Variants in NFATC1 observed in about 807,000 individuals in gnomAD.
NFATC1 encodes the protein nuclear factor of activated T cells 1, also known as nuclear factor of activated T-cells, cytoplasmic 1.
A neutral mutation model predicts 76.0 loss-of-function variants in NFATC1; 22 were observed. That is an observed-to-expected ratio of 0.29 (90% CI 0.21 to 0.41). NFATC1 has a LOEUF of 0.41. NFATC1 is among the 10% of genes least tolerant of loss of function. The pLI, the probability that NFATC1 is intolerant of heterozygous loss-of-function variation, is 1.00. For missense variants in NFATC1, 1,357 were observed against 1,337.7 expected (o/e 1.01, Z -0.23); for synonymous variants, 704 against 613.1 (o/e 1.15, Z -2.19).
At chr18:79,498,256 T>C (rs1052100188) in intron 9 of NFATC1, 2 of 151,738 alleles carry the variant, frequency 1.3e-5, no homozygotes, top group African/African-American at 2.4e-5. Flanking sequence ...GCAATAAATA[T>C]GCTCAAAGAA....
At chr18:79,433,171 C>CA (rs1180283506) in intron 2 of NFATC1, among the ~76,000 whole-genome samples, 1 of 152,210 alleles carries the variant, frequency 6.6e-6, no homozygotes, top group African/African-American at 2.4e-5. Flanking sequence ...CCCAGTCAGT[C>CA]ACCTGTCTCA....
chr18:79,481,925 T>C, intron 8 of NFATC1, among the ~76,000 whole-genome samples: 1 of 139,322 alleles, frequency 7.2e-6, no homozygotes, highest in Non-Finnish European at 1.5e-5. Flanking sequence ...CATTCCAGTG[T>C]GACGTGGTCC....
rs528841355 is a variant in NFATC1 at position 79,512,554 on chromosome 18, C to T, written c.2783-14974C>T. 7.9e-5 allele frequency among the ~76,000 whole-genome samples: 12 copies of T among 152,346 alleles called. No individual in the cohort carries two copies. In the South Asian group the frequency reaches 2.3e-3, roughly 29 times the overall value. On this transcript the variant is annotated intron_variant, in intron 9 of 9. Transcript: ENST00000427363. ...CTTGGCAGTTGTGCGGCTGTGGACTCACACATGTGGCAGGAGGAGATGCCT... is the reference window on the plus strand; with the variant it reads ...CTTGGCAGTTGTGCGGCTGTGGACTTACACATGTGGCAGGAGGAGATGCCT...
intron 8 of NFATC1, chr18:79,469,684 C>A: frequency 1.0e-6 from 1 of 985,942 alleles, no homozygotes; most frequent in Non-Finnish European, 1.2e-6. Context: ...AGGCCAGGTT[C>A]CCCAGGCTCA....
At chr18:79,493,665 T>G (rs2089768002) in intron 9 of NFATC1, 1 of 152,080 alleles carries the variant, frequency 6.6e-6, no homozygotes, top group East Asian at 1.9e-4. Context: ...GTGGAAAGTC[T>G]TACTAACCTG....
intron 1 of NFATC1, chr18:79,402,330 G>A (rs1456132555): frequency 1.0e-6 from 1 of 985,322 alleles, no homozygotes; most frequent in Non-Finnish European, 1.2e-6. Flanking sequence ...GGGGACCCTG[G>A]TGAACATGGG....
At chr18:79,444,426 A>G (rs73494234) in intron 3 of NFATC1, among the ~76,000 whole-genome samples, 4,044 of 142,636 alleles carry the variant, frequency 0.028, 174 homozygotes, top group African/African-American at 0.097. Context: ...TCCTTCCCCC[A>G]CCCACCCCGA....
At chr18:79,472,234 G>T (rs921882278) in intron 8 of NFATC1, among the ~76,000 whole-genome samples, 4 of 152,152 alleles carry the variant, frequency 2.6e-5, no homozygotes, top group Non-Finnish European at 5.9e-5. Context: ...GGCTTTCTCT[G>T]CTGGCACTTC....
intron 8 of NFATC1, among the ~76,000 whole-genome samples, chr18:79,482,728 C>T (rs1448845595): frequency 2.3e-5 from 3 of 129,996 alleles, no homozygotes; most frequent in African/African-American, 8.9e-5. Flanking sequence ...CCAGCGTGAC[C>T]TGCTCCTGAG....
At position 79,403,546 on chromosome 18, in the gene NFATC1, A is replaced by G. The variant is rs767463668; in HGVS notation, c.128-6857A>G. Among the ~76,000 whole-genome samples the G allele has an allele frequency of 7.7e-4, 117 of 152,126 alleles. 1 individual carries two copies. Among genetic ancestry groups the G allele is most frequent in the Non-Finnish European group, 1.4e-3 (95 of 67,998 alleles). ...TCCCGCCCCAGGGCTCCTGTTTTCTAAGTTATTTTGGCCAGCTTGGCTGCT... is the reference window on the plus strand; with the variant it reads ...TCCCGCCCCAGGGCTCCTGTTTTCTGAGTTATTTTGGCCAGCTTGGCTGCT... On this transcript the variant is annotated intron_variant, in intron 1 of 9. Transcript: ENST00000427363.
At position 79,427,920 on chromosome 18, in the gene NFATC1, C is replaced by G. The variant is rs1467512997; in HGVS notation, c.1227-5659C>G. On this transcript the variant is annotated intron_variant, in intron 2 of 9. Transcript: ENST00000427363. ...GGAGGGGGGTGGCTAGACAGCTGGC[C>G]TCTGTGTGGTGGCAGGGCTGGACAG... is the stretch of plus-strand genomic sequence containing the variant. Among the ~76,000 whole-genome samples, 5 of 28,398 alleles carry G rather than the reference C, an allele frequency of 1.8e-4. No individual in the cohort carries two copies. In the Admixed American group the frequency reaches 2.8e-3, roughly 16 times the overall value. The allele number at this position is 28,398 out of a possible 152,430, so 18.6% of individuals were successfully genotyped here. A position where few individuals can be genotyped will look rare whatever the true frequency, so the allele number is the denominator to read the frequency against.
intron 3 of NFATC1, among the ~76,000 whole-genome samples, chr18:79,444,661 G>A (rs980166473): frequency 1.3e-5 from 2 of 152,134 alleles, no homozygotes. Flanking sequence ...GCACACACAG[G>A]CACCCCTGTG....
chr18:79,499,659 C>T (rs1254424062), intron 9 of NFATC1, among the ~76,000 whole-genome samples: 1 of 151,964 alleles, frequency 6.6e-6, no homozygotes, highest in Non-Finnish European at 1.5e-5. Context: ...GATTTAAAGA[C>T]ACAAATAGGT....
At chr18:79,495,495 A>T (rs921487459) in intron 9 of NFATC1, among the ~76,000 whole-genome samples, 5 of 152,204 alleles carry the variant, frequency 3.3e-5, no homozygotes, top group Admixed American at 6.5e-5. Flanking sequence ...TTTCGGCGTT[A>T]AGTGGAGAGC....
chr18:79,455,427 C>T (rs992540929), intron 6 of NFATC1, among the ~76,000 whole-genome samples: 16 of 152,150 alleles, frequency 1.1e-4, no homozygotes, highest in Admixed American at 2.0e-4. Context: ...CGTGGCCTCC[C>T]GGGGCCCCTC....
chr18:79,492,602 G>A (rs376878294), intron 9 of NFATC1, among the ~76,000 whole-genome samples: 2 of 152,122 alleles, frequency 1.3e-5, no homozygotes, highest in Admixed American at 6.5e-5. Flanking sequence ...CCAGCCACTC[G>A]GGAGGCTGAG....
intron 8 of NFATC1, chr18:79,471,027 G>T (rs2088765225): frequency 6.6e-6 from 1 of 152,296 alleles, no homozygotes; most frequent in African/African-American, 2.4e-5. Context: ...GACATCCCGG[G>T]GTGCTGCCCG....
chr18:79,473,523 G>A (rs978751988), intron 8 of NFATC1, among the ~76,000 whole-genome samples: 5 of 151,468 alleles, frequency 3.3e-5, no homozygotes, highest in Admixed American at 6.6e-5. Flanking sequence ...TGAGGGAAGC[G>A]TGTTCTCGCG....
At chr18:79,464,861 C>G (rs1407527703) in intron 7 of NFATC1, among the ~76,000 whole-genome samples, 1 of 151,434 alleles carries the variant, frequency 6.6e-6, no homozygotes, top group East Asian at 1.9e-4. Context: ...GTGCCCTATT[C>G]TGCCCAGCTA....
Sources: gnomAD v4.1 joint callset for allele counts (sites outside exome capture counted in the v4.1 genomes callset) on GRCh38, gnomAD v4.1.1 for gene constraint, MANE v1.5 for transcripts, NCBI Gene and HGNC (gene_info 2026-07-23, HGNC 2026-07-21) for gene names.